The following FRYL variants were observed in gnomAD, a reference collection of about 807,000 sequenced individuals.
The protein encoded by FRYL is FRY like transcription coactivator.
FRYL carries 150 observed loss-of-function variants against 351.2 expected under a neutral mutation model. The ratio of observed to expected loss-of-function variants is 0.43; its 90% CI spans 0.37 to 0.49. The LOEUF is 0.49. Among genes scored for constraint, FRYL ranks in the 20% least tolerant of loss-of-function variants. FRYL has a pLI of 0.00. For synonymous variants in FRYL, 1,153 were observed against 1,257.1 expected, an observed-to-expected ratio of 0.92 and a Z score of 1.75; for missense variants, 3,036 against 3,619.3, an observed-to-expected ratio of 0.84 and a Z score of 4.13.
intron 24 of FRYL, among the ~76,000 whole-genome samples, 189 bp downstream of exon 24, chr4:48,575,841 C>G (rs575047590): frequency 6.6e-6 from 1 of 152,138 alleles, no homozygotes; most frequent in African/African-American, 2.4e-5. Context: ...AAACTATGTA[C>G]GTATTATTGA....
chr4:48,598,430 A>G (rs1186528994), intron 13 of FRYL, among the ~76,000 whole-genome samples: 3 of 152,186 alleles, frequency 2.0e-5, no homozygotes, highest in Admixed American at 6.6e-5. Flanking sequence ...TACATCTACT[A>G]TGTACCCACA....
intron 2 of FRYL, among the ~76,000 whole-genome samples, chr4:48,693,344 C>G (rs974456226): frequency 6.6e-6 from 1 of 152,092 alleles, no homozygotes; most frequent in African/African-American, 2.4e-5. Flanking sequence ...CAAATGCATA[C>G]TGAAGTATTT....
chr4:48,521,988 A>C (rs1386923687), intron 54 of FRYL, among the ~76,000 whole-genome samples: 1 of 152,138 alleles, frequency 6.6e-6, no homozygotes, highest in East Asian at 1.9e-4. Context: ...TCTAAATTAA[A>C]GGTAGGTGGC....
intron 3 of FRYL, among the ~76,000 whole-genome samples, chr4:48,655,878 C>A (rs1758788866): frequency 7.2e-6 from 1 of 139,472 alleles, no homozygotes; most frequent in Non-Finnish European, 1.5e-5. Context: ...TATACACATA[C>A]ATGTATATAA....
chr4:48,507,511 T>C (rs766745229), intron 59 of FRYL, among the ~76,000 whole-genome samples: 2 of 145,024 alleles, frequency 1.4e-5, no homozygotes, highest in Admixed American at 7.2e-5. Flanking sequence ...CTGAATCCTA[T>C]CGGCCAAAAC....
At chr4:48,655,910 TATATA>T (rs940098315) in intron 3 of FRYL, among the ~76,000 whole-genome samples, 1 of 133,962 alleles carries the variant, frequency 7.5e-6, no homozygotes, top group Non-Finnish European at 1.6e-5. Flanking sequence ...ATGTACATTA[TATATA>T]ATGTGTAATT....
In FRYL at chr4:48,609,087, A is replaced by C. The variant is rs1415228653; in HGVS notation, c.492-20T>G. 6.9e-7 allele frequency: 1 copy of C among 1,452,238 alleles called. No individual in the cohort carries two copies. The highest frequency in any genetic ancestry group is 2.3e-5 in the East Asian group (1 of 43,650). The allele number at this position is 1,452,238 out of a possible 1,614,324, so 90.0% of individuals were successfully genotyped here. A position where few individuals can be genotyped will look rare whatever the true frequency, so the allele number is the denominator to read the frequency against. ...GAATATCTAAAATAACAAAAGAACA[A>C]ACATAACATTTCATTAAATTTTTCT... On this transcript the variant is annotated intron_variant, in intron 8 of 63. Transcript: ENST00000358350.
intron 47 of FRYL, among the ~76,000 whole-genome samples, chr4:48,539,147 C>CAA (rs950176427): frequency 5.3e-5 from 8 of 151,898 alleles, no homozygotes; most frequent in African/African-American, 1.9e-4. Flanking sequence ...AGATGATTTA[C>CAA]AAACAGCTAC....
chr4:48,700,273 TACTC>T (rs1013352212), intron 2 of FRYL, among the ~76,000 whole-genome samples: 4 of 152,338 alleles, frequency 2.6e-5, no homozygotes, highest in African/African-American at 9.6e-5. Context: ...GAAGCTGTAA[TACTC>T]ACGTAGAACT....
At chr4:48,576,439 G>A (rs1173723322) in intron 23 of FRYL, among the ~76,000 whole-genome samples, 4 of 151,806 alleles carry the variant, frequency 2.6e-5, no homozygotes, top group African/African-American at 9.7e-5. Context: ...AGAGTAGCTG[G>A]GACTACAGGT....
At chr4:48,764,541 AAAAGAAAAG>A in intron 1 of FRYL, among the ~76,000 whole-genome samples, 1 of 146,666 alleles carries the variant, frequency 6.8e-6, no homozygotes, top group African/African-American at 2.5e-5. Context: ...AAAAAAAAAG[AAAAGAAAAG>A]AAAAGAAAAA....
chr4:48,540,501 G>C lies in FRYL; in HGVS notation c.6147C>G (p.Ser2049Arg). ...ESREKIENVQ[S>R]KLKWTNFPGL... is the part of the protein sequence containing the mutation. ...CTGGAAAATTAGTCCATTTCAATTT[G>C]CTTTGTACATTTTCAATCTTCTCTC... Residue 2049 changes from serine (S) to arginine (R), a missense_variant, in exon 46 of 64, where the codon AGC (serine) becomes AGG (arginine). Transcript: ENST00000358350. 1.2e-6 allele frequency: 2 copies of C among 1,614,040 alleles called. No homozygotes were observed. The highest frequency in any genetic ancestry group is 1.7e-6 in the Non-Finnish European group (2 of 1,179,936).
intron 2 of FRYL, among the ~76,000 whole-genome samples, chr4:48,696,471 AAAC>A (rs1480135317): frequency 6.6e-6 from 1 of 152,138 alleles, no homozygotes; most frequent in African/African-American, 2.4e-5. Context: ...AGTGGGAGTT[AAAC>A]AACGAGAACA....
In FRYL at chr4:48,717,195, T is replaced by C. The variant is rs767587318; in HGVS notation, c.-383-6497A>G. Among the ~76,000 whole-genome samples the C allele has an allele frequency of 2.9e-4, 44 of 150,680 alleles. 2 individuals are homozygous for C. Among genetic ancestry groups the C allele is most frequent in the Non-Finnish European group, 6.4e-4 (43 of 67,594 alleles). On this transcript the variant is annotated intron_variant, in intron 1 of 63. Transcript: ENST00000358350. ...GTAGATGACGAGTTAGTGGGTGCAG[T>C]GCACCAGCATGGCACATGTATACAT...
At chr4:48,630,787 T>C (rs551129724) in intron 4 of FRYL, among the ~76,000 whole-genome samples, 79 of 152,288 alleles carry the variant, frequency 5.2e-4, no homozygotes, top group African/African-American at 1.6e-3. Context: ...ATTTTAGTGG[T>C]AGATTAAATT....
At chr4:48,741,637 A>G (rs1266452212) in intron 1 of FRYL, among the ~76,000 whole-genome samples, 1 of 152,176 alleles carries the variant, frequency 6.6e-6, no homozygotes, top group Non-Finnish European at 1.5e-5. Context: ...TGGAGGTTGC[A>G]GTGAACCGAA....
At chr4:48,534,803 T>C (rs774908271) in intron 48 of FRYL, 118 bp from the exon 49 acceptor site, 7 of 610,546 alleles carry the variant, frequency 1.1e-5, no homozygotes, top group Non-Finnish European at 1.9e-5. Flanking sequence ...TATAGTTATG[T>C]GGATTAGAAA....
intron 50 of FRYL, among the ~76,000 whole-genome samples, chr4:48,530,757 T>C (rs1458058781): frequency 1.3e-5 from 2 of 152,190 alleles, no homozygotes; most frequent in African/African-American, 2.4e-5. Context: ...CAAACTGCCA[T>C]AGATGCCTGT....
intron 11 of FRYL, among the ~76,000 whole-genome samples, chr4:48,603,729 T>C (rs746515487): frequency 3.3e-5 from 5 of 152,152 alleles, no homozygotes; most frequent in Non-Finnish European, 5.9e-5. Flanking sequence ...TTAACAGAAA[T>C]AGTGCTAAAG....
Sources: allele counts gnomAD v4.1 joint callset (sites outside exome capture counted in the v4.1 genomes callset), GRCh38; gene constraint gnomAD v4.1.1; transcripts MANE v1.5; gene names NCBI Gene and HGNC (gene_info 2026-07-23, HGNC 2026-07-21).